The following CNOT10 variants were observed in gnomAD, a reference collection of about 807,000 sequenced individuals.
The protein encoded by CNOT10 is CCR4-NOT transcription complex subunit 10, also known as CCR4-NOT transcription complex, subunit 10.
CNOT10 carries 30 observed loss-of-function variants against 94.6 expected under a neutral mutation model. The observed-to-expected ratio is 0.32, with a 90% CI of 0.24 to 0.43. The LOEUF (loss-of-function observed/expected upper bound fraction) is 0.43, where lower values mean the gene tolerates loss of function less well. Ranked by LOEUF, CNOT10 falls within the 20% of genes least tolerant of loss-of-function variation. CNOT10 has a pLI of 1.00. For synonymous variants in CNOT10, 289 were observed against 301.6 expected (o/e 0.96, Z 0.43); for missense variants, 759 against 877.2 (o/e 0.87, Z 1.70).
intron 1 of CNOT10, among the ~76,000 whole-genome samples, chr3:32,687,444 T>TTTTTTTGG (rs1553626997): frequency 1.4e-5 from 1 of 69,574 alleles, no homozygotes; most frequent in East Asian, 4.5e-4. Context: ...TCACGGTTTT[T>TTTTTTTGG]TTTTTTTGTT....
chr3:32,735,526 G>A (rs1030432696), intron 12 of CNOT10, among the ~76,000 whole-genome samples: 3 of 152,068 alleles, frequency 2.0e-5, no homozygotes. Context: ...GGCCAACATG[G>A]TGAAACCCCG....
chr3:32,762,885 C>G lies in CNOT10; in HGVS notation c.1840+22C>G, dbSNP rs369537493. On this transcript the variant is annotated intron_variant, in intron 15 of 18. Coordinates refer to ENST00000328834, the MANE Select transcript of CNOT10 (RefSeq NM_015442.3). ...CAAGGTTAATGAGGACATCTTTGAT[C>G]AGAACTGGTCACTGTTTCCATTTCC... The G allele has an allele frequency of 2.5e-5, 37 of 1,488,400 alleles. No individual in the cohort carries two copies. In the African/African-American group the frequency reaches 5.4e-4, roughly 22 times the overall value. 92.2% of individuals were successfully genotyped at this position (1,488,400 alleles called of 1,614,324 possible).
intron 18 of CNOT10, among the ~76,000 whole-genome samples, chr3:32,770,386 C>T (rs1244581971): frequency 2.1e-5 from 3 of 141,212 alleles, no homozygotes; most frequent in East Asian, 2.1e-4. Context: ...AGTGCAGTGG[C>T]GCGATCTCGG....
rs1306671327 is a variant in CNOT10 at position 32,725,440 on chromosome 3, T to C, written c.863-10T>C. 6.2e-7 allele frequency: 1 copy of C among 1,610,968 alleles called. No homozygotes were observed. Among genetic ancestry groups the C allele is most frequent in the East Asian group, 2.2e-5 (1 of 44,862 alleles). On this transcript the variant is annotated splice_polypyrimidine_tract_variant and intron_variant, in intron 8 of 18. Coordinates refer to ENST00000328834, the MANE Select transcript of CNOT10 (RefSeq NM_015442.3). ...TTTTCTGTGGACAAATTTATTTGCA[T>C]TTTTTTCAGGTGAATGCTTGAGATG...
chr3:32,741,532 G>A (rs543095191), intron 13 of CNOT10, among the ~76,000 whole-genome samples: 6 of 152,066 alleles, frequency 3.9e-5, no homozygotes, highest in African/African-American at 7.2e-5. Context: ...CACTTAGGGC[G>A]GCCGAGGCGA....
At chr3:32,763,641 CTCTG>C (rs1165898926) in intron 15 of CNOT10, among the ~76,000 whole-genome samples, 22 of 151,168 alleles carry the variant, frequency 1.5e-4, no homozygotes, top group African/African-American at 4.9e-4. Context: ...CAGAGCAAGA[CTCTG>C]TCTGAAGAAA....
chr3:32,696,327 AGAAG>A (rs140829244), intron 1 of CNOT10, among the ~76,000 whole-genome samples: 7 of 150,870 alleles, frequency 4.6e-5, no homozygotes, highest in Admixed American at 2.0e-4. Context: ...AAAAAAAAAA[AGAAG>A]AAGAAGAAGA....
intron 11 of CNOT10, among the ~76,000 whole-genome samples, chr3:32,734,556 G>A (rs1699096013): frequency 6.6e-6 from 1 of 151,808 alleles, no homozygotes; most frequent in African/African-American, 2.4e-5. Flanking sequence ...TCTTCTCCTT[G>A]GTCTCATTCC....
chr3:32,762,703 T>C (rs961771683), intron 14 of CNOT10, 30 bp from the exon 15 acceptor site: 6 of 1,579,486 alleles, frequency 3.8e-6, no homozygotes, highest in Non-Finnish European at 5.1e-6. Flanking sequence ...CGTTGTACTT[T>C]TCAGTTTGGA....
intron 14 of CNOT10, 142 bp from the exon 15 acceptor site, chr3:32,762,587 CTAAA>C: frequency 1.2e-6 from 1 of 843,220 alleles, no homozygotes; most frequent in Non-Finnish European, 1.7e-6. Context: ...TTCGTTTTAC[CTAAA>C]TAAATTTAGA....
intron 4 of CNOT10, among the ~76,000 whole-genome samples, chr3:32,710,707 C>G (rs983259871): frequency 6.6e-6 from 1 of 151,918 alleles, no homozygotes; most frequent in African/African-American, 2.4e-5. Flanking sequence ...GGAATCATAA[C>G]TACTCAGCTT....
At chr3:32,695,026 G>T (rs1342986400) in intron 1 of CNOT10, among the ~76,000 whole-genome samples, 1 of 152,164 alleles carries the variant, frequency 6.6e-6, no homozygotes, top group Non-Finnish European at 1.5e-5. Flanking sequence ...TGCTGGCCAT[G>T]CTGATATTAT....
chr3:32,737,711 T>A (rs753083725), intron 13 of CNOT10, among the ~76,000 whole-genome samples: 2 of 151,952 alleles, frequency 1.3e-5, no homozygotes, highest in African/African-American at 4.8e-5. Flanking sequence ...TAATCCCAGT[T>A]ACTTGGGAGG....
rs186216808 is a variant in CNOT10, at chr3:32,718,509, G to A, written c.744+1272G>A. On this transcript the variant is annotated intron_variant, in intron 7 of 18. Transcript: ENST00000328834. ...TGAGGCAGGAGAATGGTGTGAACCC[G>A]GGAGGCGGATCTTGCTGTGAGCCGA... 2.8e-3 allele frequency among the ~76,000 whole-genome samples: 417 copies of A among 148,902 alleles called. 3 individuals are homozygous for A. The highest frequency in any genetic ancestry group is 9.8e-3 in the African/African-American group (394 of 40,306).
chr3:32,733,991 C>G (rs1035057785), intron 11 of CNOT10, among the ~76,000 whole-genome samples: 3 of 152,134 alleles, frequency 2.0e-5, no homozygotes, highest in Non-Finnish European at 2.9e-5. Context: ...GAAGCTGTCA[C>G]ATGTATAATC....
At chr3:32,707,511 T>A (rs1188242193) in intron 3 of CNOT10, among the ~76,000 whole-genome samples, 3 of 152,164 alleles carry the variant, frequency 2.0e-5, no homozygotes, top group African/African-American at 7.2e-5. Flanking sequence ...AATGAAATTA[T>A]CTATGTCCTC....
At chr3:32,705,435 G>A (rs1424295400) in intron 3 of CNOT10, among the ~76,000 whole-genome samples, 3 of 152,100 alleles carry the variant, frequency 2.0e-5, no homozygotes, top group African/African-American at 7.2e-5. Flanking sequence ...GAATCCTGGG[G>A]CTAGACTTTT....
intron 1 of CNOT10, among the ~76,000 whole-genome samples, chr3:32,687,439 G>GTTTTTTTTTTTTTTTTTTTTTTT (rs201119069): frequency 3.9e-5 from 2 of 51,320 alleles, no homozygotes; most frequent in African/African-American, 7.3e-5. Context: ...AGTCCTCACG[G>GTTTTTTTTTTTTTTTTTTTTTTT]TTTTTTTTTT....
chr3:32,712,052 C>T (rs1460297355), intron 4 of CNOT10, among the ~76,000 whole-genome samples: 3 of 152,064 alleles, frequency 2.0e-5, no homozygotes, highest in Non-Finnish European at 4.4e-5. Context: ...ACTTTCCTCT[C>T]TTCATTGGGT....
Sources: allele counts gnomAD v4.1 joint callset (sites outside exome capture counted in the v4.1 genomes callset), GRCh38; gene constraint gnomAD v4.1.1; transcripts MANE v1.5; gene names NCBI Gene and HGNC (gene_info 2026-07-23, HGNC 2026-07-21).